Variants in ST3GAL2 observed in about 807,000 individuals in gnomAD.
ST3GAL2 encodes CMP-N-acetylneuraminate-beta-galactosamide-alpha-2,3-sialyltransferase 2.
ST3GAL2 carries 16 observed loss-of-function variants against 37.5 expected under a neutral mutation model. The observed-to-expected ratio is 0.43, with a 90% CI of 0.29 to 0.65. The LOEUF (loss-of-function observed/expected upper bound fraction) is 0.65. Ranked by LOEUF, ST3GAL2 falls within the 30% of genes least tolerant of loss-of-function variation. ST3GAL2 has a pLI of 0.17. For synonymous variants in ST3GAL2, 238 were observed against 202.9 expected (o/e 1.17, Z -1.47); for missense variants, 383 against 487.8 (o/e 0.79, Z 2.02).
chr16:70,433,344 G>C lies in ST3GAL2; in HGVS notation c.-1004+5605C>G, dbSNP rs191319171. On this transcript the variant is annotated intron_variant, in intron 1 of 6. Transcript: ENST00000342907. ...CCCAGCCATACCCTGCTGCCAGTTT[G>C]CCCTCGGTCTGCTCAGAAACTAGTC... Among the ~76,000 whole-genome samples the C allele has an allele frequency of 2.0e-4, 30 of 152,138 alleles. 1 individual carries two copies. The highest frequency in any genetic ancestry group is 8.3e-4 in the South Asian group (4 of 4,820).
intron 1 of ST3GAL2, among the ~76,000 whole-genome samples, chr16:70,425,518 T>C (rs892524788): frequency 1.3e-5 from 2 of 151,968 alleles, no homozygotes; most frequent in East Asian, 1.9e-4. Context: ...TTTTGACCCA[T>C]GGAGACCATG....
chr16:70,408,890 CAAAAAAAAAAAAAAAAAA>C (rs59060353), intron 1 of ST3GAL2, among the ~76,000 whole-genome samples: 61 of 59,860 alleles, frequency 1.0e-3, no homozygotes, highest in African/African-American at 1.3e-3. Flanking sequence ...CTCAAAGAAA[CAAAAAAAAAAAAAAAAAA>C]AAAAAAAAAA....
At chr16:70,432,866 C>G (rs540535095) in intron 1 of ST3GAL2, among the ~76,000 whole-genome samples, 1 of 152,304 alleles carries the variant, frequency 6.6e-6, no homozygotes, top group African/African-American at 2.4e-5. Flanking sequence ...GGAGGAGAAG[C>G]CCATCCCGGG....
intron 1 of ST3GAL2, among the ~76,000 whole-genome samples, chr16:70,436,780 T>C (rs2047828329): frequency 6.6e-6 from 1 of 152,138 alleles, no homozygotes; most frequent in Non-Finnish European, 1.5e-5. Context: ...GGTGGTGGTA[T>C]TTCAGAAAAT....
intron 1 of ST3GAL2, among the ~76,000 whole-genome samples, chr16:70,420,205 T>C (rs1458288762): frequency 6.6e-6 from 1 of 152,048 alleles, no homozygotes; most frequent in Non-Finnish European, 1.5e-5. Flanking sequence ...GTGGGGAGAC[T>C]TCTATAGTTT....
At chr16:70,430,500 G>A (rs1464770386) in intron 1 of ST3GAL2, among the ~76,000 whole-genome samples, 2 of 152,146 alleles carry the variant, frequency 1.3e-5, no homozygotes, top group Admixed American at 6.5e-5. Context: ...GCCTCTTCCC[G>A]TCTAAGGAAG....
In ST3GAL2 at chr16:70,381,513, C is replaced by G; in HGVS notation, c.*176G>C. 2 of 723,268 alleles carry G rather than the reference C, an allele frequency of 2.8e-6. No homozygotes were observed. The highest frequency in any genetic ancestry group is 4.4e-6 in the Non-Finnish European group (2 of 453,272). The allele number at this position is 723,268 out of a possible 1,614,324, so 44.8% of individuals were successfully genotyped here. A position where few individuals can be genotyped will look rare whatever the true frequency, so the allele number is the denominator to read the frequency against. ...TGGCTGGGAGAAACAGAAGCTCCGC[C>G]CGACCGCAGCGCAGATTGGTGCCAG... On this transcript the variant is annotated 3_prime_UTR_variant, in exon 7 of 7. Transcript: ENST00000342907.
At position 70,388,661 on chromosome 16, in the gene ST3GAL2, T is replaced by G. The variant is rs1029397679; in HGVS notation, c.534-115A>C. 1.5e-5 allele frequency: 17 copies of G among 1,156,586 alleles called. No individual in the cohort carries two copies. The African/African-American group carries it at 2.2e-4, about 15-fold the overall frequency. 71.6% of individuals were successfully genotyped at this position (1,156,586 alleles called of 1,614,324 possible). A position where few individuals can be genotyped will look rare whatever the true frequency, so the allele number is the denominator to read the frequency against. On this transcript the variant is annotated intron_variant, in intron 3 of 6. Transcript: ENST00000342907. The stretch of plus-strand genomic sequence containing the variant: ...ATGCAAACGGGTGTATACTCCAACC[T>G]AGCAATTCCATTGCTAGAAATCTGC...
At chr16:70,425,799 T>C (rs556274600) in intron 1 of ST3GAL2, among the ~76,000 whole-genome samples, 16 of 152,094 alleles carry the variant, frequency 1.1e-4, no homozygotes, top group Non-Finnish European at 2.1e-4. Context: ...CTACCCTTGA[T>C]AAATCGACCC....
rs1181620120 is a variant in ST3GAL2, at chr16:70,381,439, T to G, written c.*250A>C. On this transcript the variant is annotated 3_prime_UTR_variant, in exon 7 of 7. Coordinates refer to ENST00000342907, the MANE Select transcript of ST3GAL2 (RefSeq NM_006927.4). ...CTGGCCCGCCCCCGAAGGCCATTGA[T>G]TGGAGGAGACTGGACACAGCGCCGG... 13 of 492,930 alleles carry G rather than the reference T, an allele frequency of 2.6e-5. No individual in the cohort carries two copies. The highest frequency in any genetic ancestry group is 1.1e-4 in the East Asian group (3 of 27,598). 30.5% of individuals were successfully genotyped at this position (492,930 alleles called of 1,614,324 possible). A position where few individuals can be genotyped will look rare whatever the true frequency, so the allele number is the denominator to read the frequency against.
intron 2 of ST3GAL2, among the ~76,000 whole-genome samples, chr16:70,396,790 CAT>C (rs1567668770): frequency 1.3e-5 from 2 of 152,120 alleles, no homozygotes; most frequent in East Asian, 1.9e-4. Context: ...CCACCCATGA[CAT>C]GTGTGGCAAC....
chr16:70,426,569 T>A (rs527639383), intron 1 of ST3GAL2, among the ~76,000 whole-genome samples: 1 of 150,048 alleles, frequency 6.7e-6, no homozygotes, highest in South Asian at 2.1e-4. Flanking sequence ...TGGAGTGCAA[T>A]GGCGCAATCT....
Position 70,376,249 on chromosome 16 carries a change from A to C in ST3GAL2, c.*5440T>G, listed in dbSNP as rs1466646452. On this transcript the variant is annotated 3_prime_UTR_variant, in exon 7 of 7. Transcript: ENST00000342907. ...ACTTCATATGTTTATGTATTGGTTG[A>C]ATTATTTTTGTAATTTTAAAAAAGG... 6.6e-6 allele frequency: 1 copy of C among 152,192 alleles called. No individual in the cohort carries two copies. Among genetic ancestry groups the C allele is most frequent in the African/African-American group, 2.4e-5 (1 of 41,458 alleles). 9.4% of individuals were successfully genotyped at this position (152,192 alleles called of 1,614,324 possible).
chr16:70,433,521 C>T (rs995840827), intron 1 of ST3GAL2, among the ~76,000 whole-genome samples: 6 of 152,166 alleles, frequency 3.9e-5, no homozygotes, highest in Admixed American at 1.3e-4. Flanking sequence ...ATGCCACCAG[C>T]CCTTCCCTGG....
Position 70,398,501 on chromosome 16 carries a change from G to A in ST3GAL2, c.30C>T (p.Leu10=), listed in dbSNP as rs1297323676. The change falls in exon 2 of 7, where the codon CTC becomes CTT. Residue 10 remains leucine (L), a synonymous_variant. Coordinates refer to ENST00000342907, the MANE Select transcript of ST3GAL2 (RefSeq NM_006927.4). ...TGAACACCAGCAGGAAGGCCACGGA[G>A]AGGAACCACACCCGCAGGGAGCACT... The part of the protein sequence containing the change: MKCSLRVWF[L]SVAFLLVFIM... 4.3e-6 allele frequency: 7 copies of A among 1,611,548 alleles called. No individual in the cohort carries two copies. The highest frequency in any genetic ancestry group is 2.2e-5 in the East Asian group (1 of 44,852).
In ST3GAL2 at chr16:70,377,487, A is replaced by C. The variant is rs1358934432; in HGVS notation, c.*4202T>G. ...GGAGAGAGACTCCATCTGAAAAAAAAAAAAAAAAAAGAGAAAAGCCTCCAT... is the reference window on the plus strand; with the variant it reads ...GGAGAGAGACTCCATCTGAAAAAAACAAAAAAAAAAGAGAAAAGCCTCCAT... On this transcript the variant is annotated 3_prime_UTR_variant, in exon 7 of 7. Coordinates refer to ENST00000342907, the MANE Select transcript of ST3GAL2 (RefSeq NM_006927.4). 2 of 151,446 alleles carry C rather than the reference A, an allele frequency of 1.3e-5. No homozygotes were observed. The highest frequency in any genetic ancestry group is 4.9e-5 in the African/African-American group (2 of 41,038). 9.4% of individuals were successfully genotyped at this position (151,446 alleles called of 1,614,324 possible). A position where few individuals can be genotyped will look rare whatever the true frequency, so the allele number is the denominator to read the frequency against.
intron 1 of ST3GAL2, among the ~76,000 whole-genome samples, chr16:70,422,510 T>C (rs1400332381): frequency 6.6e-6 from 1 of 152,044 alleles, no homozygotes; most frequent in Non-Finnish European, 1.5e-5. Flanking sequence ...GAAATGGCTG[T>C]CAGCAAACAT....
rs181527971 is a variant in ST3GAL2 at position 70,429,782 on chromosome 16, C to A, written c.-1004+9167G>T. ...TCAGCCTCCCCAGTAGCTGGGATTA[C>A]AGGCGCCCTCCACCACACCCGGCTA... On this transcript the variant is annotated intron_variant, in intron 1 of 6. Transcript: ENST00000342907. 8.5e-3 allele frequency among the ~76,000 whole-genome samples: 1,295 copies of A among 151,494 alleles called. 25 individuals are homozygous for A. Among genetic ancestry groups the A allele is most frequent in the African/African-American group, 0.028 (1,168 of 41,350 alleles).
intron 1 of ST3GAL2, 157 bp from the exon 2 acceptor site, chr16:70,399,690 A>G (rs1042201514): frequency 2.7e-6 from 1 of 367,442 alleles, no homozygotes; most frequent in African/African-American, 2.1e-5. Context: ...AGCTGCACAG[A>G]TAGCATCACT....
Sources: allele counts gnomAD v4.1 joint callset (sites outside exome capture counted in the v4.1 genomes callset), GRCh38; gene constraint gnomAD v4.1.1; transcripts MANE v1.5; gene names NCBI Gene and HGNC (gene_info 2026-07-23, HGNC 2026-07-21).